The following PPM1L variants were observed in gnomAD, a reference collection of about 807,000 sequenced individuals.
PPM1L encodes protein phosphatase 1L.
PPM1L carries 13 observed loss-of-function variants against 31.4 expected under a neutral mutation model. That is an observed-to-expected ratio of 0.41 (90% confidence interval 0.27 to 0.66). The LOEUF is 0.66. Among genes scored for constraint, PPM1L ranks in the 30% least tolerant of loss-of-function variants. The probability of loss-of-function intolerance (pLI) is 0.29; values close to 1 mark genes in which losing one functional copy is unlikely to be tolerated. For synonymous variants in PPM1L, 184 were observed against 175.4 expected, an observed-to-expected ratio of 1.05 and a Z score of -0.39; for missense variants, 326 against 453.7, an observed-to-expected ratio of 0.72 and a Z score of 2.56.
intron 1 of PPM1L, among the ~76,000 whole-genome samples, chr3:160,957,279 A>G (rs1715803754): frequency 2.0e-5 from 3 of 152,188 alleles, no homozygotes; most frequent in Admixed American, 1.3e-4. Context: ...AATGTGTACT[A>G]CATTTTCTTA....
chr3:160,943,853 ACTT>A (rs1715235386), intron 1 of PPM1L, among the ~76,000 whole-genome samples: 1 of 152,130 alleles, frequency 6.6e-6, no homozygotes, highest in Non-Finnish European at 1.5e-5. Context: ...TTATTTAGTG[ACTT>A]CTTTATTCTA....
chr3:160,945,194 G>A (rs537153551), intron 1 of PPM1L, among the ~76,000 whole-genome samples: 69 of 149,444 alleles, frequency 4.6e-4, no homozygotes, highest in African/African-American at 1.7e-3. Flanking sequence ...ATCTGTAACA[G>A]TGTTTGGCAC....
At chr3:160,807,966 CTG>C (rs1374278250) in intron 1 of PPM1L, among the ~76,000 whole-genome samples, 6 of 152,138 alleles carry the variant, frequency 3.9e-5, no homozygotes, top group African/African-American at 1.2e-4. Flanking sequence ...ATCATGTGAT[CTG>C]TTTTCTGGGA....
intron 1 of PPM1L, among the ~76,000 whole-genome samples, chr3:160,857,007 A>T (rs982535610): frequency 1.3e-5 from 2 of 152,132 alleles, no homozygotes; most frequent in African/African-American, 4.8e-5. Flanking sequence ...TTGATGTTTG[A>T]TTCTAACTTT....
intron 2 of PPM1L, among the ~76,000 whole-genome samples, chr3:160,968,560 T>G (rs1002271904): frequency 2.6e-5 from 4 of 152,372 alleles, no homozygotes; most frequent in African/African-American, 9.6e-5. Flanking sequence ...GTAGCTAATC[T>G]CAAATTCTGT....
intron 2 of PPM1L, among the ~76,000 whole-genome samples, chr3:161,028,500 G>A (rs1041096417): frequency 5.9e-5 from 9 of 152,100 alleles, no homozygotes; most frequent in Non-Finnish European, 2.9e-5. Flanking sequence ...AGAAGAAGAA[G>A]CTTCTGCAAA....
At chr3:161,010,710 G>A (rs935291050) in intron 2 of PPM1L, among the ~76,000 whole-genome samples, 16 of 152,032 alleles carry the variant, frequency 1.1e-4, no homozygotes, top group African/African-American at 3.1e-4. Flanking sequence ...TTTAATGATC[G>A]CCTTTCTAAC....
chr3:160,976,671 T>C (rs1361528619), intron 2 of PPM1L, among the ~76,000 whole-genome samples: 1 of 152,214 alleles, frequency 6.6e-6, no homozygotes, highest in African/African-American at 2.4e-5. Flanking sequence ...TAGAGGTGTT[T>C]GTAGTATTCT....
chr3:160,883,451 T>C (rs1307534490), intron 1 of PPM1L, among the ~76,000 whole-genome samples: 1 of 152,124 alleles, frequency 6.6e-6, no homozygotes, highest in African/African-American at 2.4e-5. Context: ...TTAGGCTACA[T>C]TTTCCCGTAA....
intron 1 of PPM1L, among the ~76,000 whole-genome samples, chr3:160,802,381 C>G (rs376478199): frequency 1.3e-5 from 2 of 152,244 alleles, no homozygotes; most frequent in East Asian, 3.9e-4. Context: ...AACCTACAAT[C>G]CGGCTTGGAA....
At chr3:161,008,876 C>T (rs978513906) in intron 2 of PPM1L, among the ~76,000 whole-genome samples, 7 of 152,116 alleles carry the variant, frequency 4.6e-5, no homozygotes, top group African/African-American at 4.8e-5. Flanking sequence ...ATGAGTTTTA[C>T]GCTCAGTGGA....
At chr3:161,013,165 C>T (rs1484580847) in intron 2 of PPM1L, among the ~76,000 whole-genome samples, 1 of 152,188 alleles carries the variant, frequency 6.6e-6, no homozygotes, top group East Asian at 1.9e-4. Flanking sequence ...GCATTTAGTG[C>T]TGTAAATTTC....
At position 161,070,161 on chromosome 3, in the gene PPM1L, T is replaced by A. The variant is rs528139293; in HGVS notation, c.*1004T>A. ...AGCTCCAGCTGCCAGTTTTTGTGTT[T>A]TTCCTTGCCCCTTTCCAAGTGGTTT... On this transcript the variant is annotated 3_prime_UTR_variant, in exon 4 of 4. Coordinates refer to ENST00000498165, the MANE Select transcript of PPM1L (RefSeq NM_139245.4). 6.6e-6 allele frequency: 1 copy of A among 152,420 alleles called. No homozygotes were observed. The highest frequency in any genetic ancestry group is 1.5e-5 in the Non-Finnish European group (1 of 68,128). The allele number at this position is 152,420 out of a possible 1,614,324, so 9.4% of individuals were successfully genotyped here. A position where few individuals can be genotyped will look rare whatever the true frequency, so the allele number is the denominator to read the frequency against.
At chr3:160,916,039 A>C (rs1714165446) in intron 1 of PPM1L, among the ~76,000 whole-genome samples, 1 of 152,240 alleles carries the variant, frequency 6.6e-6, no homozygotes, top group Admixed American at 6.5e-5. Context: ...CAATGGCAAC[A>C]AAAGCCAAAA....
chr3:160,922,969 G>A (rs1366249791), intron 1 of PPM1L, among the ~76,000 whole-genome samples: 2 of 152,140 alleles, frequency 1.3e-5, no homozygotes, highest in African/African-American at 2.4e-5. Context: ...TTCTGCCAAC[G>A]AATAAACTAC....
chr3:160,760,602 C>T (rs1347421692), intron 1 of PPM1L, among the ~76,000 whole-genome samples: 1 of 151,040 alleles, frequency 6.6e-6, no homozygotes, highest in Non-Finnish European at 1.5e-5. Flanking sequence ...AAAAGGAGCT[C>T]GTTATATAAA....
At chr3:161,035,963 A>G (rs1415881233) in intron 2 of PPM1L, 2 of 152,240 alleles carry the variant, frequency 1.3e-5, no homozygotes, top group Non-Finnish European at 2.9e-5. Flanking sequence ...TTTCATCATC[A>G]TAAACCACAG....
intron 2 of PPM1L, among the ~76,000 whole-genome samples, chr3:161,001,825 T>C (rs1487486624): frequency 2.0e-5 from 3 of 152,044 alleles, no homozygotes; most frequent in Admixed American, 6.6e-5. Context: ...ATTTTAAGGA[T>C]CTTTCTTTTT....
chr3:160,837,778 T>C (rs529413065), intron 1 of PPM1L, among the ~76,000 whole-genome samples: 8 of 152,138 alleles, frequency 5.3e-5, no homozygotes, highest in Non-Finnish European at 1.0e-4. Context: ...AAGAGAAGGG[T>C]AGGGCTAGCT....
Sources: gnomAD v4.1 joint callset for allele counts (sites outside exome capture counted in the v4.1 genomes callset) on GRCh38, gnomAD v4.1.1 for gene constraint, MANE v1.5 for transcripts, NCBI Gene and HGNC (gene_info 2026-07-23, HGNC 2026-07-21) for gene names.